Variants in FLG observed in about 807,000 individuals in gnomAD.
FLG encodes epidermal filaggrin.
A neutral mutation model predicts 3.8 loss-of-function variants in FLG; 6 were observed. That is an observed-to-expected ratio of 1.60 (90% CI 0.87 to 3.15). FLG has a LOEUF of 3.15. Among genes scored for constraint, FLG ranks in the 30% most tolerant of loss-of-function variants. The pLI, the probability that FLG is intolerant of heterozygous loss-of-function variation, is 0.00. For missense variants in FLG, 7,595 were observed against 5,050.9 expected (o/e 1.50, Z -15.27); for synonymous variants, 2,551 against 1,931.6 (o/e 1.32, Z -8.41).
In FLG at chr1:152,313,694, A is replaced by T; in HGVS notation, c.1192T>A (p.Ser398Thr). ...GAAGCTTGCCCGCGCCCAGTGGCTG[A>T]GTGTCTGGAGCTGTCTGCTGACTGC... ...HQQSADSSRH[S>T]ATGRGQASSA... is the part of the protein sequence containing the mutation. Residue 398 changes from serine (S) to threonine (T), a missense_variant, in exon 3 of 3, where the codon TCA becomes ACA. Ser to Thr is a moderately conservative substitution (Grantham distance 58). Transcript: ENST00000368799. The T allele has an allele frequency of 6.2e-7, 1 of 1,613,746 alleles. No individual in the cohort carries two copies. Among genetic ancestry groups the T allele is most frequent in the East Asian group, 2.2e-5 (1 of 44,816 alleles).
rs144643375 is a variant in FLG at position 152,303,006 on chromosome 1, A to G, written c.11880T>C (p.Ser3960=). 3.3e-4 allele frequency: 532 copies of G among 1,614,176 alleles called. No homozygotes were observed. Among genetic ancestry groups the G allele is most frequent in the Admixed American group, 1.3e-3 (81 of 60,022 alleles). ...GACCTTTTTGCCTTTCAGTGCCCTCAGATTGATAATGATAAGAACTAGAAC... is the reference window on the plus strand; with the variant it reads ...GACCTTTTTGCCTTTCAGTGCCCTCGGATTGATAATGATAAGAACTAGAAC... ...PHSSSSYHYQ[S]EGTERQKGQS... The change falls in exon 3 of 3, where the codon TCT becomes TCC. Residue 3960 remains serine (S), a synonymous_variant. Transcript: ENST00000368799.
intron 2 of FLG, 31 bp downstream of exon 2, chr1:152,315,288 C>CTCTATCTA: frequency 6.2e-7 from 1 of 1,608,430 alleles, no homozygotes; most frequent in Non-Finnish European, 8.5e-7. Flanking sequence ...AAAACAAATG[C>CTCTATCTA]TCTATCTTTG....
Position 152,311,619 on chromosome 1 carries a change from A to C in FLG, c.3267T>G (p.His1089Gln). Residue 1089 changes from histidine (H) to glutamine (Q), a missense_variant, in exon 3 of 3, where the codon CAT (histidine) becomes CAG (glutamine). By Grantham distance (24) the His-to-Gln change is conservative (BLOSUM62 0). Coordinates refer to ENST00000368799, the MANE Select transcript of FLG (RefSeq NM_002016.2). ...EESDTQSVSGHGQDGPHQQSH... is the reference protein window; with the variant it reads ...EESDTQSVSGQGQDGPHQQSH... ...TCTGCTGATGGGGCCCATCCTGTCCATGGCCTGACACTGACTGTGTGTCTG... is the reference window on the plus strand; with the variant it reads ...TCTGCTGATGGGGCCCATCCTGTCCCTGGCCTGACACTGACTGTGTGTCTG... 6.2e-7 allele frequency: 1 copy of C among 1,613,940 alleles called. No individual in the cohort carries two copies. Among genetic ancestry groups the C allele is most frequent in the Non-Finnish European group, 8.5e-7 (1 of 1,179,968 alleles).
chr1:152,302,566 T>C lies in FLG; in HGVS notation c.*134A>G. 1.7e-6 allele frequency: 2 copies of C among 1,147,002 alleles called. No homozygotes were observed. Among genetic ancestry groups the C allele is most frequent in the Non-Finnish European group, 2.4e-6 (2 of 825,580 alleles). The allele number at this position is 1,147,002 out of a possible 1,614,324, so 71.1% of individuals were successfully genotyped here. On this transcript the variant is annotated 3_prime_UTR_variant, in exon 3 of 3. Coordinates refer to ENST00000368799, the MANE Select transcript of FLG (RefSeq NM_002016.2). The stretch of plus-strand genomic sequence containing the variant: ...TAAAAATAAGCTACCACCAAACTAA[T>C]GAAATACTATAGCATATTTTAAACA...
rs200177920 is a variant in FLG, at chr1:152,303,822, A to G, written c.11064T>C (p.His3688=). Residue 3688 remains histidine (H), a synonymous_variant, in exon 3 of 3, where the codon CAT becomes CAC. Transcript: ENST00000368799. ...GTGTGGACTCTTGGTGGCTCTGCTGATGGGGCCCAGCCTGTCCGTGGGCTG... is the reference window on the plus strand; with the variant it reads ...GTGTGGACTCTTGGTGGCTCTGCTGGTGGGGCCCAGCCTGTCCGTGGGCTG... The part of the protein sequence containing the change: ...SVSAHGQAGP[H]QQSHQESTRG... The G allele has an allele frequency of 1.1e-4, 179 of 1,613,016 alleles. No homozygotes were observed. The Middle Eastern group carries it at 1.3e-3, about 12-fold the overall frequency.
In FLG at chr1:152,303,218, A is replaced by T; in HGVS notation, c.11668T>A (p.Ser3890Thr). The T allele has an allele frequency of 6.2e-7, 1 of 1,613,994 alleles. No individual in the cohort carries two copies. Among genetic ancestry groups the T allele is most frequent in the Non-Finnish European group, 8.5e-7 (1 of 1,180,012 alleles). The change falls in exon 3 of 3, where the codon TCT becomes ACT. Residue 3890 changes from serine to threonine, a missense_variant. Coordinates refer to ENST00000368799, the MANE Select transcript of FLG (RefSeq NM_002016.2). ...SESASRNHHG[S>T]SREQSRDGSR... ...CCATCTCTTGACTGCTCCCGAGAAG[A>T]TCCATGATGGTTTCTGGAAGCAGAC...
At chr1:152,320,299 T>C (rs575374403) in intron 1 of FLG, among the ~76,000 whole-genome samples, 28 of 150,912 alleles carry the variant, frequency 1.9e-4, no homozygotes, top group African/African-American at 6.5e-4. Flanking sequence ...TGAATATAAA[T>C]AGAGTAAATA....
rs757405173 is a variant in FLG, at chr1:152,314,109, T to G, written c.777A>C (p.Arg259Ser). 6.2e-7 allele frequency: 1 copy of G among 1,614,180 alleles called. No individual in the cohort carries two copies. ...SLLEENKIYE[R>S]SRSSDGKSSS... is the part of the protein sequence containing the mutation. ...ATGATTTGCCATCAGATGACCTTGATCTTTCATATATTTTGTTTTCTTCTA... is the reference window on the plus strand; with the variant it reads ...ATGATTTGCCATCAGATGACCTTGAGCTTTCATATATTTTGTTTTCTTCTA... The change falls in exon 3 of 3, where the codon AGA (arginine) becomes AGC (serine). Residue 259 changes from arginine to serine, a missense_variant. Transcript: ENST00000368799.
Position 152,309,998 on chromosome 1 carries a change from A to C in FLG, c.4888T>G (p.Ser1630Ala). 6.2e-7 allele frequency: 1 copy of C among 1,613,632 alleles called. No individual in the cohort carries two copies. Among genetic ancestry groups the C allele is most frequent in the Non-Finnish European group, 8.5e-7 (1 of 1,179,942 alleles). Residue 1630 changes from serine to alanine, a missense_variant, in exon 3 of 3, where the codon TCC (serine) becomes GCC (alanine). Transcript: ENST00000368799. ...TCTTGATGGGACCTGGGGTTCCTGG[A>C]GCCATGTCTTGACTGCTCCCGAGCA... ...GSAREQSRHG[S>A]RNPRSHQEDR...
intron 1 of FLG, among the ~76,000 whole-genome samples, 164 bp downstream of exon 1, chr1:152,325,025 C>G (rs890961940): frequency 6.6e-6 from 1 of 151,724 alleles, no homozygotes; most frequent in African/African-American, 2.4e-5. Context: ...AATTTATGCC[C>G]TCATTTTCCT....
rs557235683 is a variant in FLG at position 152,311,024 on chromosome 1, C to G, written c.3862G>C (p.Gly1288Arg). ...CCATGATGGTTTCTGGAAGCAGACC[C>G]AGACAACCTCTCGGAGTCGTCTGAG... Reference protein sequence around the residue: ...RHSDDSERLSGSASRNHHGSS... With the variant: ...RHSDDSERLSRSASRNHHGSS... Residue 1288 changes from glycine (G) to arginine (R), a missense_variant, in exon 3 of 3, where the codon GGG becomes CGG. Coordinates refer to ENST00000368799, the MANE Select transcript of FLG (RefSeq NM_002016.2). 1 of 1,613,870 alleles carries G rather than the reference C, an allele frequency of 6.2e-7. No individual in the cohort carries two copies. The highest frequency in any genetic ancestry group is 1.1e-5 in the South Asian group (1 of 91,034).
intron 1 of FLG, among the ~76,000 whole-genome samples, chr1:152,317,398 A>G (rs1041435020): frequency 2.6e-5 from 4 of 152,088 alleles, no homozygotes; most frequent in African/African-American, 7.2e-5. Flanking sequence ...TTTCTAAAAA[A>G]TGTATTAAAA....
At position 152,309,293 on chromosome 1, in the gene FLG, T is replaced by A; in HGVS notation, c.5593A>T (p.Ser1865Cys). ...TGTTTCTCATTACGTGTTTGTCTGC[T>A]GACACTTCTGGATCCTGACTGCCCA... ...SRGQSGSRSV[S>C]RQTRNEKQSG... The change falls in exon 3 of 3, where the codon AGC becomes TGC. Residue 1865 changes from serine (S) to cysteine (C), a missense_variant. Transcript: ENST00000368799. 1 of 1,613,812 alleles carries A rather than the reference T, an allele frequency of 6.2e-7. No homozygotes were observed. Among genetic ancestry groups the A allele is most frequent in the Non-Finnish European group, 8.5e-7 (1 of 1,179,988 alleles).
At position 152,314,527 on chromosome 1, in the gene FLG, T is replaced by A; in HGVS notation, c.359A>T (p.Glu120Val). ...CAGACTTGAGGGTCTTTTTCTGTTT[T>A]CTTTGTTTTCTTCCTGTTTATTATC... ...HEDNKQEENK[E>V]NRKRPSSLER... Residue 120 changes from glutamate to valine, a missense_variant, in exon 3 of 3, where the codon GAA (glutamate) becomes GTA (valine). By Grantham distance (121) the Glu-to-Val change is moderately radical (BLOSUM62 -2). Coordinates refer to ENST00000368799, the MANE Select transcript of FLG (RefSeq NM_002016.2). The A allele has an allele frequency of 1.2e-6, 2 of 1,613,946 alleles. No individual in the cohort carries two copies. The highest frequency in any genetic ancestry group is 1.7e-6 in the Non-Finnish European group (2 of 1,179,990).
intron 1 of FLG, among the ~76,000 whole-genome samples, chr1:152,322,296 A>C (rs1653006243): frequency 6.6e-6 from 1 of 151,196 alleles, no homozygotes; most frequent in Non-Finnish European, 1.5e-5. Flanking sequence ...AAGGAATTAA[A>C]AGCAGAGTAA....
chr1:152,302,690 C>T lies in FLG; in HGVS notation c.*10G>A. 6.2e-7 allele frequency: 1 copy of T among 1,612,590 alleles called. No individual in the cohort carries two copies. The highest frequency in any genetic ancestry group is 1.1e-5 in the South Asian group (1 of 90,974). On this transcript the variant is annotated 3_prime_UTR_variant, in exon 3 of 3. Coordinates refer to ENST00000368799, the MANE Select transcript of FLG (RefSeq NM_002016.2). ...TCTATTCTTGGATTAATTCCTTTGCCATTAATTTCTTACTCATAGTAATAG... is the reference window on the plus strand; with the variant it reads ...TCTATTCTTGGATTAATTCCTTTGCTATTAATTTCTTACTCATAGTAATAG...
Position 152,303,114 on chromosome 1 carries a change from G to C in FLG, c.11772C>G (p.Thr3924=). 1.9e-6 allele frequency: 3 copies of C among 1,614,148 alleles called. No individual in the cohort carries two copies. The highest frequency in any genetic ancestry group is 2.5e-6 in the Non-Finnish European group (3 of 1,180,032). ...TACTAAAGTGACCATGTTCCTTAGC[G>C]GTACTAGAGTCTGACTGTACAGGTG... is the stretch of plus-strand genomic sequence containing the variant. ...QSSPVQSDSS[T]AKEHGHFSSL... is the part of the protein sequence containing the mutation. The change falls in exon 3 of 3, where the codon ACC becomes ACG. Residue 3924 remains threonine (T), a synonymous_variant. Coordinates refer to ENST00000368799, the MANE Select transcript of FLG (RefSeq NM_002016.2).
Position 152,308,539 on chromosome 1 carries a change from C to T in FLG, c.6347G>A (p.Gly2116Glu), listed in dbSNP as rs201815027. The T allele has an allele frequency of 6.2e-7, 1 of 1,613,656 alleles. No individual in the cohort carries two copies. Among genetic ancestry groups the T allele is most frequent in the Non-Finnish European group, 8.5e-7 (1 of 1,179,738 alleles). The change falls in exon 3 of 3, where the codon GGA becomes GAA. Residue 2116 changes from glycine to glutamate, a missense_variant. Coordinates refer to ENST00000368799, the MANE Select transcript of FLG (RefSeq NM_002016.2). Reference sequence around the variant, plus strand: ...GTCTTGTGCCTGATCATAATGGGATCCTTGTCTTCCTCCAGTGCTGGGCGC... The same window carrying T: ...GTCTTGTGCCTGATCATAATGGGATTCTTGTCTTCCTCCAGTGCTGGGCGC... ...QSAPSTGGRQ[G>E]SHYDQAQDSS... is the part of the protein sequence containing the mutation.
At position 152,311,286 on chromosome 1, in the gene FLG, G is replaced by GGATGTGGTGTGGCTGT. The variant is rs952177927; in HGVS notation, c.3584_3599dup (p.Gly1202ProfsTer9). Reference sequence around the variant, plus strand: ...CATGGGAGGCATCAGACCTTCCCTGGGATGTGGTGTGGCTGTGATGGGACC... The same window carrying GGATGTGGTGTGGCTGT: ...CATGGGAGGCATCAGACCTTCCCTGGGATGTGGTGTGGCTGTGATGTGGTGTGGCTGTGATGGGACC... On this transcript the variant is annotated frameshift_variant, in exon 3 of 3. Transcript: ENST00000368799. LOFTEE classifies it low-confidence loss of function (END_TRUNC). The GGATGTGGTGTGGCTGT allele has an allele frequency of 6.2e-7, 1 of 1,613,588 alleles. No homozygotes were observed. The highest frequency in any genetic ancestry group is 8.5e-7 in the Non-Finnish European group (1 of 1,179,958).
Sources: allele counts gnomAD v4.1 joint callset (sites outside exome capture counted in the v4.1 genomes callset), GRCh38; gene constraint gnomAD v4.1.1; transcripts MANE v1.5; gene names NCBI Gene and HGNC (gene_info 2026-07-23, HGNC 2026-07-21).